WIPF3: variants seen among roughly 807,000 people sequenced by gnomAD.
WIPF3 encodes WAS/WASL interacting protein family member 3.
A neutral mutation model predicts 38.9 loss-of-function variants in WIPF3; 33 were observed. That is an observed-to-expected ratio of 0.85 (90% confidence interval 0.64 to 1.14). The LOEUF (loss-of-function observed/expected upper bound fraction) is 1.14. Ranked by LOEUF, WIPF3 falls within the 50% of genes most tolerant of loss-of-function variation. The probability of loss-of-function intolerance (pLI) is 0.00; values close to 1 mark genes in which losing one functional copy is unlikely to be tolerated. For missense variants in WIPF3, 711 were observed against 652.5 expected (o/e 1.09, Z -0.98); for synonymous variants, 324 against 269.3 (o/e 1.20, Z -1.99).
At chr7:29,812,499 T>C (rs940463314) in intron 1 of WIPF3, among the ~76,000 whole-genome samples, 3 of 152,176 alleles carry the variant, frequency 2.0e-5, no homozygotes, top group African/African-American at 4.8e-5. Context: ...CCATCTGCAG[T>C]CTAGGCAAGA....
At chr7:29,814,623 G>GTGAT (rs1229993076) in intron 1 of WIPF3, among the ~76,000 whole-genome samples, 1 of 152,188 alleles carries the variant, frequency 6.6e-6, no homozygotes, top group African/African-American at 2.4e-5. Context: ...TTGATCTTGG[G>GTGAT]TGATTACCTT....
intron 4 of WIPF3, among the ~76,000 whole-genome samples, chr7:29,880,407 A>C (rs559193781): frequency 5.8e-4 from 89 of 152,242 alleles, no homozygotes; most frequent in Non-Finnish European, 1.1e-3. Flanking sequence ...GAACCTTCTC[A>C]GGGGCCATGT....
chr7:29,829,588 C>T (rs174930), intron 1 of WIPF3, among the ~76,000 whole-genome samples: 30,796 of 152,116 alleles, frequency 0.2, 3,522 homozygotes, highest in East Asian at 0.4. Context: ...TGTGTCAGGA[C>T]GTGTACTGTG....
At chr7:29,828,772 C>T (rs1476333893) in intron 1 of WIPF3, among the ~76,000 whole-genome samples, 1 of 152,194 alleles carries the variant, frequency 6.6e-6, no homozygotes, top group East Asian at 1.9e-4. Context: ...TCCCTGCTGG[C>T]AAGGGATGCT....
intron 2 of WIPF3, among the ~76,000 whole-genome samples, chr7:29,875,510 A>G (rs550612363): frequency 4.4e-4 from 67 of 152,282 alleles, no homozygotes; most frequent in African/African-American, 1.6e-3. Context: ...CCAGGTACTC[A>G]AGGACAGAAG....
intron 2 of WIPF3, among the ~76,000 whole-genome samples, chr7:29,857,502 C>T (rs1390276968): frequency 2.0e-5 from 3 of 151,914 alleles, no homozygotes; most frequent in Non-Finnish European, 4.4e-5. Context: ...TATAAGATGT[C>T]TGATTTATTT....
At chr7:29,848,508 G>T (rs981491980) in intron 2 of WIPF3, among the ~76,000 whole-genome samples, 8 of 152,200 alleles carry the variant, frequency 5.3e-5, no homozygotes, top group Non-Finnish European at 1.0e-4. Context: ...TTTAGGCCTT[G>T]TGGCAGCTTT....
At chr7:29,904,003 TGG>T (rs1335267732) in intron 7 of WIPF3, among the ~76,000 whole-genome samples, 2 of 152,210 alleles carry the variant, frequency 1.3e-5, no homozygotes, top group African/African-American at 4.8e-5. Flanking sequence ...TTGTGGATAA[TGG>T]ATGAGCATCC....
At chr7:29,889,191 C>A in intron 6 of WIPF3, 115 bp from the exon 7 acceptor site, 1 of 785,024 alleles carries the variant, frequency 1.3e-6, no homozygotes, top group Non-Finnish European at 2.2e-6. Flanking sequence ...TTGCACTGAG[C>A]AGGCAAACAG....
At chr7:29,843,335 G>A (rs930553080) in intron 2 of WIPF3, among the ~76,000 whole-genome samples, 3 of 152,172 alleles carry the variant, frequency 2.0e-5, no homozygotes, top group African/African-American at 7.2e-5. Context: ...GAGAGGGCTT[G>A]CAGTGGTGTG....
In WIPF3 at chr7:29,904,409, C is replaced by T. The variant is rs748466421; in HGVS notation, c.1428+47C>T. 4 of 1,568,922 alleles carry T rather than the reference C, an allele frequency of 2.5e-6. No individual in the cohort carries two copies. In the Middle Eastern group the frequency reaches 5.0e-4, roughly 198 times the overall value. ...TGAATGTAAAACCAGGAATTCTCCTCAGGAGGCACAGAAATGGTAAGGGTA... is the reference window on the plus strand; with the variant it reads ...TGAATGTAAAACCAGGAATTCTCCTTAGGAGGCACAGAAATGGTAAGGGTA... On this transcript the variant is annotated intron_variant, in intron 8 of 8. Transcript: ENST00000242140.
chr7:29,855,637 T>A (rs1427483953), intron 2 of WIPF3, among the ~76,000 whole-genome samples: 1 of 152,204 alleles, frequency 6.6e-6, no homozygotes, highest in Non-Finnish European at 1.5e-5. Context: ...GGCTCAGTTA[T>A]GGCTGGAGTG....
intron 2 of WIPF3, among the ~76,000 whole-genome samples, chr7:29,854,636 C>T (rs932637943): frequency 5.9e-5 from 9 of 152,112 alleles, no homozygotes; most frequent in South Asian, 4.1e-4. Context: ...ACAATTACCA[C>T]GTTTCTTTGA....
rs193214999 is a variant in WIPF3, at chr7:29,886,715, C to T, written c.1100-1353C>T. Among the ~76,000 whole-genome samples, 11 of 152,298 alleles carry T rather than the reference C, an allele frequency of 7.2e-5. No homozygotes were observed. The East Asian group carries it at 1.9e-3, about 27-fold the overall frequency. On this transcript the variant is annotated intron_variant, in intron 5 of 8. Coordinates refer to ENST00000242140, the MANE Select transcript of WIPF3 (RefSeq NM_001080529.3). ...GAGTTCAGATCCTGGGTTCCTCACC[C>T]ACTCCTGTGGAAACTCACACCACTT...
intron 7 of WIPF3, among the ~76,000 whole-genome samples, chr7:29,899,269 C>T (rs907137249): frequency 1.3e-5 from 2 of 152,218 alleles, no homozygotes; most frequent in African/African-American, 2.4e-5. Context: ...TGGAGAAACA[C>T]GATTCAATCC....
chr7:29,881,283 A>G (rs1004944013), intron 4 of WIPF3, among the ~76,000 whole-genome samples: 13 of 152,158 alleles, frequency 8.5e-5, no homozygotes, highest in Admixed American at 5.2e-4. Context: ...TGTCTGTCTG[A>G]TCCATCTGAA....
At position 29,907,220 on chromosome 7, in the gene WIPF3, G is replaced by C. The variant is rs529320683; in HGVS notation, c.1428+2858G>C. Reference sequence around the variant, plus strand: ...TTTAAATTTTTTAGTTTAAAAGCTAGTGTTATTGTAACTTTGGTTTGTAAC... The same window carrying C: ...TTTAAATTTTTTAGTTTAAAAGCTACTGTTATTGTAACTTTGGTTTGTAAC... On this transcript the variant is annotated intron_variant, in intron 8 of 8. Transcript: ENST00000242140. Among the ~76,000 whole-genome samples the C allele has an allele frequency of 2.8e-4, 43 of 152,242 alleles. No individual in the cohort carries two copies. In the South Asian group the frequency reaches 7.5e-3, roughly 26 times the overall value.
Position 29,884,065 on chromosome 7 carries a change from C to A in WIPF3, c.571C>A (p.Pro191Thr), listed in dbSNP as rs1161154663. Reference sequence around the variant, plus strand: ...GCCTCCACCCTTACCCCCGCCCCTTCCCTCTTCCTCCCCCATCAAAACTCC... The same window carrying A: ...GCCTCCACCCTTACCCCCGCCCCTTACCTCTTCCTCCCCCATCAAAACTCC... ...PPPPPLPPPL[P>T]SSSPIKTPLV... The change falls in exon 5 of 9, where the codon CCC becomes ACC. Residue 191 changes from proline to threonine, a missense_variant. Transcript: ENST00000242140. 2 of 1,451,774 alleles carry A rather than the reference C, an allele frequency of 1.4e-6. No individual in the cohort carries two copies. Among genetic ancestry groups the A allele is most frequent in the East Asian group, 2.7e-5 (1 of 36,586 alleles). The allele number at this position is 1,451,774 out of a possible 1,614,324, so 89.9% of individuals were successfully genotyped here. A position where few individuals can be genotyped will look rare whatever the true frequency, so the allele number is the denominator to read the frequency against.
chr7:29,888,371 G>C (rs1388212472), intron 6 of WIPF3, among the ~76,000 whole-genome samples, 154 bp downstream of exon 6: 2 of 152,178 alleles, frequency 1.3e-5, no homozygotes, highest in Non-Finnish European at 2.9e-5. Flanking sequence ...CCAGCCCATA[G>C]GTTCTGTTAA....
Sources: gnomAD v4.1 joint callset for allele counts (sites outside exome capture counted in the v4.1 genomes callset) on GRCh38, gnomAD v4.1.1 for gene constraint, MANE v1.5 for transcripts, NCBI Gene and HGNC (gene_info 2026-07-23, HGNC 2026-07-21) for gene names.